The following FGF10 variants were observed in gnomAD, a reference collection of about 807,000 sequenced individuals.
FGF10 encodes fibroblast growth factor 10.
A neutral mutation model predicts 19.8 loss-of-function variants in FGF10; 2 were observed. That is an observed-to-expected ratio of 0.10 (90% CI 0.04 to 0.32). The LOEUF (loss-of-function observed/expected upper bound fraction) is 0.32, where lower values mean the gene tolerates loss of function less well. FGF10 is among the 10% of genes least tolerant of loss of function. The pLI, the probability that FGF10 is intolerant of heterozygous loss-of-function variation, is 1.00. For missense variants in FGF10, 191 were observed against 246.3 expected (o/e 0.78, Z 1.50); for synonymous variants, 112 against 94.0 (o/e 1.19, Z -1.10).
chr5:44,336,666 C>A (rs572732901), intron 1 of FGF10, among the ~76,000 whole-genome samples: 179 of 152,140 alleles, frequency 1.2e-3, no homozygotes, highest in African/African-American at 4.1e-3. Context: ...GCTTGCTAAG[C>A]CCAGTTTTTT....
intron 1 of FGF10, among the ~76,000 whole-genome samples, chr5:44,373,574 G>A (rs543680371): frequency 1.1e-3 from 168 of 152,216 alleles, no homozygotes; most frequent in African/African-American, 4.0e-3. Flanking sequence ...GTAGAACACA[G>A]TTCAGCTACA....
At chr5:44,350,608 A>G (rs985504390) in intron 1 of FGF10, among the ~76,000 whole-genome samples, 10 of 151,196 alleles carry the variant, frequency 6.6e-5, no homozygotes, top group African/African-American at 2.4e-4. Flanking sequence ...GTGTATATAT[A>G]TAATATACAT....
chr5:44,356,953 C>T (rs16874012), intron 1 of FGF10, among the ~76,000 whole-genome samples: 4,182 of 151,256 alleles, frequency 0.028, 194 homozygotes, highest in African/African-American at 0.095. Flanking sequence ...CCTTACATCC[C>T]TTTCCCCCAG....
chr5:44,323,082 G>C (rs966809079), intron 1 of FGF10, among the ~76,000 whole-genome samples: 2 of 152,042 alleles, frequency 1.3e-5, no homozygotes, highest in African/African-American at 4.8e-5. Context: ...GAAGGTCCTG[G>C]CTTTCTGGAC....
chr5:44,367,389 T>C (rs1741642534), intron 1 of FGF10, among the ~76,000 whole-genome samples: 1 of 152,064 alleles, frequency 6.6e-6, no homozygotes, highest in African/African-American at 2.4e-5. Context: ...CCTCTAGCTA[T>C]AAAGTTTAAT....
chr5:44,308,460 T>C (rs1190470979), intron 2 of FGF10, among the ~76,000 whole-genome samples: 1 of 152,130 alleles, frequency 6.6e-6, no homozygotes, highest in Non-Finnish European at 1.5e-5. Context: ...AGTATGTGTG[T>C]TGTTATCTCT....
intron 2 of FGF10, among the ~76,000 whole-genome samples, chr5:44,307,073 C>T (rs1430802128): frequency 6.6e-6 from 1 of 152,142 alleles, no homozygotes; most frequent in Non-Finnish European, 1.5e-5. Context: ...TTTCATATTT[C>T]AGATGAAGCT....
chr5:44,380,615 A>T (rs1293146022), intron 1 of FGF10, among the ~76,000 whole-genome samples: 1 of 152,212 alleles, frequency 6.6e-6, no homozygotes, highest in African/African-American at 2.4e-5. Flanking sequence ...CCATTCTGGA[A>T]GTTGGGAATA....
At position 44,304,774 on chromosome 5, in the gene FGF10, G is replaced by T. The variant is rs546135820; in HGVS notation, c.*221C>A. On this transcript the variant is annotated 3_prime_UTR_variant, in exon 3 of 3. Coordinates refer to ENST00000264664, the MANE Select transcript of FGF10 (RefSeq NM_004465.2). ...CTTGGGAATAACTTCTATCCCATTC[G>T]ATCTGCCTATATCTTGATTATAAGA... 3 of 539,030 alleles carry T rather than the reference G, an allele frequency of 5.6e-6. No homozygotes were observed. Among genetic ancestry groups the T allele is most frequent in the Non-Finnish European group, 6.7e-6 (2 of 299,220 alleles). 33.4% of individuals were successfully genotyped at this position (539,030 alleles called of 1,614,324 possible). A position where few individuals can be genotyped will look rare whatever the true frequency, so the allele number is the denominator to read the frequency against.
intron 1 of FGF10, among the ~76,000 whole-genome samples, chr5:44,349,436 ATATATATATATATAT>A (rs1318593395): frequency 4.8e-5 from 1 of 20,850 alleles, no homozygotes. Context: ...ATATATATAT[ATATATATATATATAT>A]ATATATATAT....
rs1053501813 is a variant in FGF10 at position 44,304,403 on chromosome 5, C to G, written c.*592G>C. The G allele has an allele frequency of 1.3e-5, 2 of 153,080 alleles. No individual in the cohort carries two copies. The highest frequency in any genetic ancestry group is 2.9e-5 in the Non-Finnish European group (2 of 68,718). 9.5% of individuals were successfully genotyped at this position (153,080 alleles called of 1,614,324 possible). On this transcript the variant is annotated 3_prime_UTR_variant, in exon 3 of 3. Coordinates refer to ENST00000264664, the MANE Select transcript of FGF10 (RefSeq NM_004465.2). ...AATAGAAAGGGATGAAGGCAGAATG[C>G]ACAAGCATACCATACTATTTGTATT...
intron 1 of FGF10, among the ~76,000 whole-genome samples, chr5:44,345,360 A>G (rs890864707): frequency 6.6e-6 from 1 of 150,718 alleles, no homozygotes; most frequent in South Asian, 2.1e-4. Context: ...TAGGTTTTAT[A>G]TTTTCTGTTT....
rs1035254798 is a variant in FGF10, at chr5:44,303,956, T to A, written c.*1039A>T. 1 of 152,032 alleles carries A rather than the reference T, an allele frequency of 6.6e-6. No individual in the cohort carries two copies. The highest frequency in any genetic ancestry group is 2.4e-5 in the African/African-American group (1 of 41,446). 9.4% of individuals were successfully genotyped at this position (152,032 alleles called of 1,614,324 possible). A position where few individuals can be genotyped will look rare whatever the true frequency, so the allele number is the denominator to read the frequency against. On this transcript the variant is annotated 3_prime_UTR_variant, in exon 3 of 3. Transcript: ENST00000264664. ...AATGAGGCTAGGCTATTTAAATGTATTTAGCAATTAATTTTCCTTTTTTTA... is the reference window on the plus strand; with the variant it reads ...AATGAGGCTAGGCTATTTAAATGTAATTAGCAATTAATTTTCCTTTTTTTA...
At chr5:44,373,543 A>G (rs1304697714) in intron 1 of FGF10, among the ~76,000 whole-genome samples, 2 of 152,042 alleles carry the variant, frequency 1.3e-5, no homozygotes, top group African/African-American at 4.8e-5. Context: ...CATCACTTAC[A>G]CGTTCTGTTT....
chr5:44,367,942 T>C (rs182219768), intron 1 of FGF10, among the ~76,000 whole-genome samples: 2 of 152,010 alleles, frequency 1.3e-5, no homozygotes, highest in East Asian at 1.9e-4. Context: ...ACACATATGT[T>C]GATTAAAACT....
At chr5:44,380,843 A>G (rs1459517792) in intron 1 of FGF10, among the ~76,000 whole-genome samples, 1 of 152,030 alleles carries the variant, frequency 6.6e-6, no homozygotes, top group Non-Finnish European at 1.5e-5. Flanking sequence ...AAATCAGCAA[A>G]TTATCCAGGC....
chr5:44,342,777 A>G (rs1477674079), intron 1 of FGF10, among the ~76,000 whole-genome samples: 1 of 152,022 alleles, frequency 6.6e-6, no homozygotes, highest in Non-Finnish European at 1.5e-5. Context: ...GATGTCTCCA[A>G]ATTTGGGGAT....
chr5:44,388,942 A>T lies in FGF10; in HGVS notation c.-260T>A. On this transcript the variant is annotated 5_prime_UTR_variant, in exon 1 of 3. Coordinates refer to ENST00000264664, the MANE Select transcript of FGF10 (RefSeq NM_004465.2). ...AATGGTGGACGTGGGTGGCCGCAGC[A>T]GCAGGAGCTGGTGGTGGCGTTGGTG... The T allele has an allele frequency of 3.5e-6, 2 of 572,664 alleles. No individual in the cohort carries two copies. Among genetic ancestry groups the T allele is most frequent in the South Asian group, 3.9e-5 (2 of 50,678 alleles). The allele number at this position is 572,664 out of a possible 1,614,324, so 35.5% of individuals were successfully genotyped here.
chr5:44,349,206 T>C (rs560300509), intron 1 of FGF10, among the ~76,000 whole-genome samples: 62 of 150,710 alleles, frequency 4.1e-4, no homozygotes, highest in Non-Finnish European at 6.7e-4. Flanking sequence ...CTTGTCTCTA[T>C]AATCTTTTGC....
Sources: allele counts gnomAD v4.1 joint callset (sites outside exome capture counted in the v4.1 genomes callset), GRCh38; gene constraint gnomAD v4.1.1; transcripts MANE v1.5; gene names NCBI Gene and HGNC (gene_info 2026-07-23, HGNC 2026-07-21).